TAFA1: variants seen among roughly 807,000 people sequenced by gnomAD.
TAFA1 encodes the protein chemokine-like protein TAFA-1.
In TAFA1, 4 loss-of-function variants were observed where a neutral mutation model predicts 18.5. That is an observed-to-expected ratio of 0.22 (90% confidence interval 0.11 to 0.49). TAFA1 has a LOEUF of 0.49. Among genes scored for constraint, TAFA1 ranks in the 20% least tolerant of loss-of-function variants. TAFA1 has a pLI of 0.98. For synonymous variants in TAFA1, 56 were observed against 55.2 expected, an observed-to-expected ratio of 1.01 and a Z score of -0.06; for missense variants, 147 against 169.0, an observed-to-expected ratio of 0.87 and a Z score of 0.72.
At chr3:68,076,501 C>T (rs2064826558) in intron 2 of TAFA1, among the ~76,000 whole-genome samples, 1 of 136,704 alleles carries the variant, frequency 7.3e-6, no homozygotes, top group East Asian at 2.3e-4. Context: ...TATTCCCCTT[C>T]CTGTGTCCAT....
intron 2 of TAFA1, among the ~76,000 whole-genome samples, chr3:68,075,591 C>T (rs1288742218): frequency 6.6e-6 from 1 of 151,956 alleles, no homozygotes; most frequent in African/African-American, 2.4e-5. Context: ...AGTCAACTTT[C>T]TAACTTAGAA....
chr3:68,526,867 A>T (rs1468167605), intron 3 of TAFA1, among the ~76,000 whole-genome samples: 1 of 152,146 alleles, frequency 6.6e-6, no homozygotes, highest in African/African-American at 2.4e-5. Flanking sequence ...ATTAGAAAAA[A>T]AATAAAGGTT....
chr3:68,059,779 A>G (rs1377100595), intron 2 of TAFA1, among the ~76,000 whole-genome samples: 5 of 152,194 alleles, frequency 3.3e-5, no homozygotes, highest in Non-Finnish European at 7.3e-5. Flanking sequence ...GATCTTTTGT[A>G]AAAGTGTGCT....
intron 2 of TAFA1, among the ~76,000 whole-genome samples, chr3:68,386,730 G>T (rs531637042): frequency 1.3e-5 from 2 of 152,132 alleles, no homozygotes; most frequent in Non-Finnish European, 1.5e-5. Flanking sequence ...GGCCTCTTGG[G>T]TGTCTGCTCT....
chr3:68,126,610 C>G (rs2065467847), intron 2 of TAFA1, among the ~76,000 whole-genome samples: 1 of 152,204 alleles, frequency 6.6e-6, no homozygotes, highest in African/African-American at 2.4e-5. Context: ...GGGCCCACCC[C>G]AGGTTTGGAC....
At chr3:68,379,394 A>T (rs895395331) in intron 2 of TAFA1, among the ~76,000 whole-genome samples, 13 of 152,088 alleles carry the variant, frequency 8.5e-5, no homozygotes, top group Non-Finnish European at 5.9e-5. Flanking sequence ...TGGATATTAG[A>T]CCATTGTCAG....
At chr3:68,005,609 G>T (rs974272307) in intron 1 of TAFA1, among the ~76,000 whole-genome samples, 2 of 152,176 alleles carry the variant, frequency 1.3e-5, no homozygotes, top group Admixed American at 6.5e-5. Flanking sequence ...TTTTTGAAGG[G>T]TATGATTTGA....
At chr3:68,307,643 T>G (rs1442606070) in intron 2 of TAFA1, among the ~76,000 whole-genome samples, 3 of 152,216 alleles carry the variant, frequency 2.0e-5, no homozygotes, top group Admixed American at 6.5e-5. Flanking sequence ...CTCTACTATG[T>G]GATTGTTACT....
chr3:68,174,948 A>T (rs1575661294), intron 2 of TAFA1, among the ~76,000 whole-genome samples: 1 of 152,192 alleles, frequency 6.6e-6, no homozygotes, highest in African/African-American at 2.4e-5. Flanking sequence ...TGCTGTGTGC[A>T]GCCTAGGGAC....
intron 3 of TAFA1, among the ~76,000 whole-genome samples, chr3:68,500,517 A>G (rs755416338): frequency 5.9e-5 from 9 of 152,156 alleles, no homozygotes; most frequent in African/African-American, 9.7e-5. Flanking sequence ...ACTAGGAGTC[A>G]GCAAGCAACA....
intron 3 of TAFA1, among the ~76,000 whole-genome samples, chr3:68,478,761 G>A (rs1254591359): frequency 6.6e-6 from 1 of 151,676 alleles, no homozygotes; most frequent in Non-Finnish European, 1.5e-5. Context: ...TTATTTAAAT[G>A]AATAAATGAT....
intron 3 of TAFA1, among the ~76,000 whole-genome samples, chr3:68,487,208 C>T (rs1244015179): frequency 6.6e-6 from 1 of 152,146 alleles, no homozygotes; most frequent in Non-Finnish European, 1.5e-5. Flanking sequence ...TTTGTGGAAA[C>T]TTGATAGTAC....
chr3:68,130,049 G>A (rs2065518497), intron 2 of TAFA1, among the ~76,000 whole-genome samples: 1 of 152,096 alleles, frequency 6.6e-6, no homozygotes, highest in African/African-American at 2.4e-5. Context: ...CTGGCACAAA[G>A]CCTTAAAGGT....
intron 2 of TAFA1, among the ~76,000 whole-genome samples, chr3:68,019,678 C>A (rs921641315): frequency 6.6e-6 from 1 of 152,102 alleles, no homozygotes; most frequent in African/African-American, 2.4e-5. Context: ...ACTTGCTAGA[C>A]CCATAGCCTA....
chr3:68,089,865 C>T (rs1438061646), intron 2 of TAFA1, among the ~76,000 whole-genome samples: 1 of 152,180 alleles, frequency 6.6e-6, no homozygotes, highest in Non-Finnish European at 1.5e-5. Flanking sequence ...ACAACACTGG[C>T]TTGAATTACA....
At chr3:68,074,253 G>A (rs899214431) in intron 2 of TAFA1, among the ~76,000 whole-genome samples, 2 of 152,156 alleles carry the variant, frequency 1.3e-5, no homozygotes, top group East Asian at 1.9e-4. Context: ...GGGAGCTGCT[G>A]TAAATACAGA....
chr3:68,110,648 T>C (rs950004280), intron 2 of TAFA1, among the ~76,000 whole-genome samples: 15 of 152,120 alleles, frequency 9.9e-5, no homozygotes, highest in Non-Finnish European at 1.6e-4. Context: ...GGTCACACAA[T>C]GCAGATTGAG....
rs529529063 is a variant in TAFA1 at position 68,279,249 on chromosome 3, G to C, written c.119-138031G>C. On this transcript the variant is annotated intron_variant, in intron 2 of 4. Transcript: ENST00000478136. ...AACTCAGATTTCAAGTCTGTGCAAT[G>C]AGAAATTGTCCTTCATGAGAAATTT... Among the ~76,000 whole-genome samples, 9 of 152,272 alleles carry C rather than the reference G, an allele frequency of 5.9e-5. No homozygotes were observed. The South Asian group carries it at 1.5e-3, about 25-fold the overall frequency.
chr3:68,507,140 C>G lies in TAFA1; in HGVS notation c.260-31616C>G, dbSNP rs545095960. Reference sequence around the variant, plus strand: ...AGAACCTTAAACACCATGCCTTAGGCAGCCACTAGCAATGGCTGGATTAGA... The same window carrying G: ...AGAACCTTAAACACCATGCCTTAGGGAGCCACTAGCAATGGCTGGATTAGA... On this transcript the variant is annotated intron_variant, in intron 3 of 4. Transcript: ENST00000478136. Among the ~76,000 whole-genome samples the G allele has an allele frequency of 7.2e-5, 11 of 152,162 alleles. No homozygotes were observed. In the South Asian group the frequency reaches 2.1e-3, roughly 29 times the overall value.
Sources: allele counts gnomAD v4.1 joint callset (sites outside exome capture counted in the v4.1 genomes callset), GRCh38; gene constraint gnomAD v4.1.1; transcripts MANE v1.5; gene names NCBI Gene and HGNC (gene_info 2026-07-23, HGNC 2026-07-21).